LRRC4C: variants seen among roughly 807,000 people sequenced by gnomAD.
LRRC4C encodes leucine rich repeat containing 4C.
LRRC4C carries 5 observed loss-of-function variants against 33.6 expected under a neutral mutation model. The ratio of observed to expected loss-of-function variants is 0.15; its 90% CI spans 0.08 to 0.31. LRRC4C has a LOEUF of 0.31. Ranked by LOEUF, LRRC4C falls within the 10% of genes least tolerant of loss-of-function variation. The pLI, the probability that LRRC4C is intolerant of heterozygous loss-of-function variation, is 1.00. For missense variants in LRRC4C, 560 were observed against 796.7 expected (o/e 0.70, Z 3.58); for synonymous variants, 329 against 302.0 (o/e 1.09, Z -0.93).
intron 4 of LRRC4C, among the ~76,000 whole-genome samples, chr11:40,255,954 C>A (rs1392036631): frequency 6.6e-6 from 1 of 152,214 alleles, no homozygotes; most frequent in Non-Finnish European, 1.5e-5. Context: ...AGCAAAGCTA[C>A]AAAGGCTCTA....
intron 3 of LRRC4C, among the ~76,000 whole-genome samples, chr11:40,488,288 C>A (rs555134918): frequency 6.6e-6 from 1 of 152,000 alleles, no homozygotes; most frequent in South Asian, 2.1e-4. Flanking sequence ...TTTTCCCCCC[C>A]CCACTTAAAG....
chr11:40,853,210 T>C (rs1314235726), intron 2 of LRRC4C, among the ~76,000 whole-genome samples: 3 of 152,118 alleles, frequency 2.0e-5, no homozygotes, highest in African/African-American at 7.2e-5. Flanking sequence ...ATATGATACT[T>C]GAAAATAAAT....
chr11:40,266,244 G>C (rs1187266748), intron 4 of LRRC4C, among the ~76,000 whole-genome samples: 1 of 152,144 alleles, frequency 6.6e-6, no homozygotes, highest in African/African-American at 2.4e-5. Context: ...AGGCTGCAGT[G>C]AGCAGTGACT....
chr11:40,252,255 G>A (rs556832221), intron 4 of LRRC4C, among the ~76,000 whole-genome samples: 12 of 151,162 alleles, frequency 7.9e-5, no homozygotes, highest in African/African-American at 2.2e-4. Context: ...CACACACCAC[G>A]AATACACATT....
chr11:40,620,657 G>A (rs993268036), intron 3 of LRRC4C, among the ~76,000 whole-genome samples: 1 of 151,720 alleles, frequency 6.6e-6, no homozygotes, highest in South Asian at 2.1e-4. Flanking sequence ...AAAGAAATTC[G>A]GTGTCACAGA....
At chr11:40,227,189 T>C (rs2135973792) in intron 5 of LRRC4C, among the ~76,000 whole-genome samples, 1 of 152,300 alleles carries the variant, frequency 6.6e-6, no homozygotes, top group South Asian at 2.1e-4. Flanking sequence ...TGTGTAATTG[T>C]TATGATGGGA....
At chr11:40,655,988 C>T (rs559553771) in intron 2 of LRRC4C, among the ~76,000 whole-genome samples, 17 of 152,224 alleles carry the variant, frequency 1.1e-4, no homozygotes, top group Middle Eastern at 3.4e-3. Context: ...AACTCACTCA[C>T]TGTCATGAGA....
Position 40,879,226 on chromosome 11 carries a change from T to C in LRRC4C, c.-407+54409A>G, listed in dbSNP as rs112494120. Among the ~76,000 whole-genome samples the C allele has an allele frequency of 2.0e-3, 311 of 152,218 alleles. 1 individual carries two copies. Among genetic ancestry groups the C allele is most frequent in the African/African-American group, 7.0e-3 (291 of 41,548 alleles). ...AACTCAAGCTTTTGAATATTAAAGG[T>C]TTAAAATCTTAAGGGAAAAAAATCA... On this transcript the variant is annotated intron_variant, in intron 2 of 6. Coordinates refer to ENST00000528697, the MANE Select transcript of LRRC4C (RefSeq NM_001258419.2).
chr11:41,047,917 T>A (rs1857892748), intron 1 of LRRC4C, among the ~76,000 whole-genome samples: 1 of 152,124 alleles, frequency 6.6e-6, no homozygotes, highest in African/African-American at 2.4e-5. Context: ...GGAAACTATA[T>A]AGCTAATAAC....
chr11:40,401,902 T>TTA (rs1018313541), intron 3 of LRRC4C, among the ~76,000 whole-genome samples: 3 of 152,078 alleles, frequency 2.0e-5, no homozygotes, highest in African/African-American at 7.2e-5. Flanking sequence ...CTGCAGTAGT[T>TTA]TATATATATG....
intron 1 of LRRC4C, among the ~76,000 whole-genome samples, chr11:41,302,741 C>T (rs1267394398): frequency 6.6e-6 from 1 of 152,066 alleles, no homozygotes; most frequent in Non-Finnish European, 1.5e-5. Context: ...AATAATAATG[C>T]CAGATTTTGA....
intron 3 of LRRC4C, among the ~76,000 whole-genome samples, chr11:40,526,493 G>A (rs1193226103): frequency 4.0e-5 from 6 of 151,788 alleles, no homozygotes; most frequent in Non-Finnish European, 8.8e-5. Context: ...AACTCCATTA[G>A]TCACCAGGGA....
At chr11:40,214,753 A>G (rs1466280951) in intron 5 of LRRC4C, among the ~76,000 whole-genome samples, 1 of 152,050 alleles carries the variant, frequency 6.6e-6, no homozygotes, top group East Asian at 1.9e-4. Flanking sequence ...AAAAATATTA[A>G]TTTTTGTTGT....
chr11:40,383,915 A>T (rs1438596157), intron 3 of LRRC4C, among the ~76,000 whole-genome samples: 1 of 134,208 alleles, frequency 7.5e-6, no homozygotes, highest in African/African-American at 3.0e-5. Flanking sequence ...CTTATTTTTA[A>T]TTCAAATTAT....
At chr11:40,364,580 A>T (rs1217114449) in intron 3 of LRRC4C, among the ~76,000 whole-genome samples, 2 of 152,142 alleles carry the variant, frequency 1.3e-5, no homozygotes, top group African/African-American at 4.8e-5. Flanking sequence ...ATTAGCAATG[A>T]GATGGCTTAA....
intron 5 of LRRC4C, among the ~76,000 whole-genome samples, chr11:40,144,683 T>C (rs1590511163): frequency 6.6e-6 from 1 of 152,224 alleles, no homozygotes. Flanking sequence ...GAGATTATAA[T>C]TTTTCATTTT....
At chr11:40,864,684 A>G (rs1020850450) in intron 2 of LRRC4C, among the ~76,000 whole-genome samples, 8 of 152,182 alleles carry the variant, frequency 5.3e-5, no homozygotes, top group Non-Finnish European at 7.4e-5. Context: ...AGGCAAAGAC[A>G]TGGCTACCAC....
At chr11:40,711,344 T>C (rs1946456050) in intron 2 of LRRC4C, among the ~76,000 whole-genome samples, 1 of 152,144 alleles carries the variant, frequency 6.6e-6, no homozygotes, top group African/African-American at 2.4e-5. Flanking sequence ...GAACCTCAGA[T>C]TTTACAACAC....
chr11:40,853,809 T>G (rs1348059590), intron 2 of LRRC4C, among the ~76,000 whole-genome samples: 2 of 152,162 alleles, frequency 1.3e-5, no homozygotes, highest in African/African-American at 4.8e-5. Flanking sequence ...GTTGCCGTGA[T>G]AGCAAATAAC....
Sources: gnomAD v4.1 joint callset for allele counts (sites outside exome capture counted in the v4.1 genomes callset) on GRCh38, gnomAD v4.1.1 for gene constraint, MANE v1.5 for transcripts, NCBI Gene and HGNC (gene_info 2026-07-23, HGNC 2026-07-21) for gene names.